PLS3: variants seen among roughly 807,000 people sequenced by gnomAD.
PLS3 encodes the protein plastin-3.
Under a neutral mutation model 46.5 loss-of-function variants are expected in PLS3, and 11 were observed. The observed-to-expected ratio is 0.24, with a 90% CI of 0.15 to 0.39. The LOEUF (loss-of-function observed/expected upper bound fraction) is 0.39. PLS3 is among the 10% of genes least tolerant of loss of function. PLS3 has a pLI of 1.00. For synonymous variants in PLS3, 167 were observed against 162.2 expected, an observed-to-expected ratio of 1.03 and a Z score of -0.22; for missense variants, 308 against 461.8, an observed-to-expected ratio of 0.67 and a Z score of 3.05.
chrX:115,606,160 C>CTTTTTTT (rs2074490297), intron 1 of PLS3, among the ~76,000 whole-genome samples: 1 of 37,575 alleles, frequency 2.7e-5, no homozygotes, highest in African/African-American at 1.0e-4. Context: ...TTTTTCTTTT[C>CTTTTTTT]TTTTCTTTTT....
chrX:115,629,198 A>G lies in PLS3; in HGVS notation c.238A>G (p.Ile80Val). The G allele has an allele frequency of 8.7e-7, 1 of 1,154,001 alleles. No homozygotes were observed. The highest frequency in any genetic ancestry group is 1.2e-6 in the Non-Finnish European group (1 of 848,524). The stretch of plus-strand genomic sequence containing the variant: ...TCAACAAAATTACTTTAATTAATAG[A>G]TTTTTCAAGAGGTAAAAAGTAGTGA... ...GKISFDEFVY[I>V]FQEVKSSDIA... is the part of the protein sequence containing the mutation. The change falls in exon 4 of 16, where the codon ATT becomes GTT. Residue 80 changes from isoleucine to valine, a missense_variant and splice_region_variant. Physicochemically the swap from Ile to Val is conservative, Grantham distance 29. This residue lies in a region of PLS3 where 271 missense variants were observed against 435.7 expected (regional missense o/e 0.62). Coordinates refer to ENST00000355899, the MANE Select transcript of PLS3 (RefSeq NM_005032.7).
At chrX:115,565,748 G>T (rs2074167913) in intron 1 of PLS3, among the ~76,000 whole-genome samples, 1 of 112,167 alleles carries the variant, frequency 8.9e-6, no homozygotes, top group East Asian at 2.8e-4. Flanking sequence ...TCACCAGTGG[G>T]TTATTCCATG....
At chrX:115,576,150 C>T (rs782040374) in intron 1 of PLS3, among the ~76,000 whole-genome samples, 33 of 112,284 alleles carry the variant, frequency 2.9e-4, no homozygotes, top group Non-Finnish European at 5.1e-4. Context: ...GCCTCTAACA[C>T]TTAATATTTT....
intron 7 of PLS3, among the ~76,000 whole-genome samples, chrX:115,635,515 G>A (rs782238710): frequency 4.1e-4 from 44 of 108,288 alleles, no homozygotes; most frequent in Non-Finnish European, 7.8e-4. Context: ...GCCAGGCGAG[G>A]TGGCACGTGC....
chrX:115,647,433 C>CA (rs782501867), intron 13 of PLS3, 117 bp from the exon 14 acceptor site: 170 of 757,332 alleles, frequency 2.2e-4, no homozygotes, highest in African/African-American at 1.1e-3. Flanking sequence ...GACTCCGTCT[C>CA]AAAAAAAAGA....
At chrX:115,598,883 T>G (rs190596074) in intron 1 of PLS3, among the ~76,000 whole-genome samples, 1 of 111,937 alleles carries the variant, frequency 8.9e-6, no homozygotes, top group East Asian at 2.8e-4. Context: ...AACACCAATG[T>G]TTTAAATAAA....
Position 115,646,190 on chromosome X carries a change from G to A in PLS3, c.1377+4G>A, listed in dbSNP as rs782807818. The stretch of plus-strand genomic sequence containing the variant: ...ACTGGGAGCCAACATGAAAAAGGTA[G>A]ATAATTAAGTTGCTGTATATATTTG... On this transcript the variant is annotated splice_donor_region_variant and intron_variant, in intron 12 of 15. Coordinates refer to ENST00000355899, the MANE Select transcript of PLS3 (RefSeq NM_005032.7). 1.0e-4 allele frequency: 102 copies of A among 1,024,974 alleles called. No individual in the cohort carries two copies. Among genetic ancestry groups the A allele is most frequent in the Non-Finnish European group, 1.3e-4 (96 of 734,412 alleles). 84.5% of individuals were successfully genotyped at this position (1,024,974 alleles called of 1,213,427 possible).
intron 1 of PLS3, among the ~76,000 whole-genome samples, chrX:115,583,580 C>T (rs189195827): frequency 6.9e-4 from 78 of 112,525 alleles, no homozygotes; most frequent in African/African-American, 1.8e-3. Context: ...ATGTATTTAA[C>T]GCTTTGAAGT....
chrX:115,637,583 G>A (rs2074850709), intron 8 of PLS3, among the ~76,000 whole-genome samples: 1 of 111,408 alleles, frequency 9.0e-6, no homozygotes, highest in African/African-American at 3.3e-5. Flanking sequence ...CATGAGCAGT[G>A]GGGGAAAACT....
At position 115,634,863 on chromosome X, in the gene PLS3, A is replaced by T; in HGVS notation, c.583-18A>T. The T allele has an allele frequency of 8.4e-7, 1 of 1,196,202 alleles. No homozygotes were observed. Among genetic ancestry groups the T allele is most frequent in the Non-Finnish European group, 1.1e-6 (1 of 886,735 alleles). ...TGGAAAGGTCAAGAAGCAAGTGTGT[A>T]ATTTGGCTGTCTTGCAGGAAAACTT... On this transcript the variant is annotated intron_variant, in intron 6 of 15. Coordinates refer to ENST00000355899, the MANE Select transcript of PLS3 (RefSeq NM_005032.7).
intron 1 of PLS3, among the ~76,000 whole-genome samples, chrX:115,592,065 A>G (rs1556633196): frequency 1.8e-5 from 2 of 111,858 alleles, no homozygotes; most frequent in African/African-American, 6.5e-5. Context: ...CATAATGGGG[A>G]CTATCCGGTG....
At chrX:115,632,880 C>T (rs1427238955) in intron 5 of PLS3, among the ~76,000 whole-genome samples, 1 of 109,639 alleles carries the variant, frequency 9.1e-6, no homozygotes, top group African/African-American at 3.3e-5. Flanking sequence ...TACAAGCATG[C>T]GCCACTATGC....
At position 115,621,088 on chromosome X, in the gene PLS3, A is replaced by G. The variant is rs1015473014; in HGVS notation, c.74-1158A>G. Among the ~76,000 whole-genome samples the G allele has an allele frequency of 9.1e-5, 10 of 109,815 alleles. No homozygotes were observed. The Middle Eastern group carries it at 0.014, about 155-fold the overall frequency. ...GAGTGCACTGGTACTATCTTGGCTCACTGCAACCTCCGCCTCCCAGGTTCA... is the reference window on the plus strand; with the variant it reads ...GAGTGCACTGGTACTATCTTGGCTCGCTGCAACCTCCGCCTCCCAGGTTCA... On this transcript the variant is annotated intron_variant, in intron 2 of 15. Coordinates refer to ENST00000355899, the MANE Select transcript of PLS3 (RefSeq NM_005032.7).
chrX:115,641,874 A>G (rs1476981923), intron 9 of PLS3, among the ~76,000 whole-genome samples: 3 of 108,978 alleles, frequency 2.8e-5, no homozygotes, highest in African/African-American at 1.0e-4. Context: ...CTTGGCACTC[A>G]CCCTACAAAT....
intron 2 of PLS3, among the ~76,000 whole-genome samples, chrX:115,616,350 G>A (rs782498851): frequency 1.3e-3 from 142 of 111,931 alleles, no homozygotes; most frequent in African/African-American, 4.2e-3. Context: ...TTCATTTTGG[G>A]TTATTTGGAA....
At chrX:115,647,413 G>A (rs781919015) in intron 13 of PLS3, 137 bp from the exon 14 acceptor site, 16 of 580,431 alleles carry the variant, frequency 2.8e-5, no homozygotes, top group South Asian at 1.7e-4. Context: ...CAGCCTGGGC[G>A]ACAGAGCGAG....
chrX:115,646,147 T>C lies in PLS3; in HGVS notation c.1338T>C (p.Asn446=), dbSNP rs1272320613. 6.8e-6 allele frequency: 8 copies of C among 1,177,021 alleles called. No homozygotes were observed. Among genetic ancestry groups the C allele is most frequent in the Non-Finnish European group, 9.2e-6 (8 of 866,713 alleles). ...TTCCTGTTGACTGGAGTAAGGTTAA[T>C]AAACCTCCATACCCGAAACTGGGAG... ...IKVPVDWSKV[N]KPPYPKLGAN... Residue 446 remains asparagine, a synonymous_variant, in exon 12 of 16, where the codon AAT becomes AAC. Coordinates refer to ENST00000355899, the MANE Select transcript of PLS3 (RefSeq NM_005032.7).
intron 9 of PLS3, among the ~76,000 whole-genome samples, chrX:115,641,114 G>A (rs1367313648): frequency 5.5e-5 from 6 of 110,033 alleles, no homozygotes; most frequent in Non-Finnish European, 1.9e-5. Flanking sequence ...TGTGGTTTTT[G>A]TACCCATTAG....
rs781887875 is a variant in PLS3 at position 115,635,018 on chromosome X, C to G, written c.720C>G (p.Phe240Leu). 2.5e-6 allele frequency: 3 copies of G among 1,206,200 alleles called. No individual in the cohort carries two copies. Among genetic ancestry groups the G allele is most frequent in the Admixed American group, 2.2e-5 (1 of 45,294 alleles). ...GGCAGATCATTAAGATCGGTTTGTT[C>G]GCTGACATTGAATTAAGCAGGAATG... ...LLWQIIKIGL[F>L]ADIELSRNEA... The change falls in exon 7 of 16, where the codon TTC (phenylalanine) becomes TTG (leucine). Residue 240 changes from phenylalanine (F) to leucine (L), a missense_variant. Phe to Leu is a conservative substitution (Grantham distance 22, BLOSUM62 0). Coordinates refer to ENST00000355899, the MANE Select transcript of PLS3 (RefSeq NM_005032.7).
Sources: gnomAD v4.1 joint callset for allele counts (sites outside exome capture counted in the v4.1 genomes callset) on GRCh38, gnomAD v4.1.1 for gene constraint, gnomAD v4.1.1 regional missense constraint, MANE v1.5 for transcripts, NCBI Gene and HGNC (gene_info 2026-07-23, HGNC 2026-07-21) for gene names.